The following ZNF568 variants were observed in gnomAD, a reference collection of about 807,000 sequenced individuals.
ZNF568 encodes the protein zinc finger protein 568.
ZNF568 carries 11 observed loss-of-function variants against 18.1 expected under a neutral mutation model. The observed-to-expected ratio is 0.61, with a 90% CI of 0.38 to 1.00. The LOEUF (loss-of-function observed/expected upper bound fraction) is 1.00, where lower values mean the gene tolerates loss of function less well. Among genes scored for constraint, ZNF568 ranks in the 50% least tolerant of loss-of-function variants. The pLI, the probability that ZNF568 is intolerant of heterozygous loss-of-function variation, is 0.01. For synonymous variants in ZNF568, 213 were observed against 246.6 expected, an observed-to-expected ratio of 0.86 and a Z score of 1.28; for missense variants, 639 against 768.2, an observed-to-expected ratio of 0.83 and a Z score of 1.99.
In ZNF568 at chr19:36,991,856, G is replaced by A. The variant is rs138628298; in HGVS notation, c.229+10G>A. ...AAAGAATGGTGTCCAGGTGAGTGAC[G>A]ATGAACTGGAATGGGGAGGCCATAG... On this transcript the variant is annotated intron_variant, in intron 4 of 4. Coordinates refer to the ZNF568 transcript ENST00000433993. 3.1e-3 allele frequency: 4,798 copies of A among 1,556,360 alleles called. 17 individuals carry two copies. The highest frequency in any genetic ancestry group is 3.8e-3 in the Non-Finnish European group (4,338 of 1,156,306).
intron 6 of ZNF568, among the ~76,000 whole-genome samples, chr19:36,960,835 A>G (rs2074143353): frequency 6.6e-6 from 1 of 152,096 alleles, no homozygotes; most frequent in Non-Finnish European, 1.5e-5. Flanking sequence ...ATAGTTTCCA[A>G]AGTTCCTCTT....
intron 7 of ZNF568, among the ~76,000 whole-genome samples, chr19:36,978,311 C>T (rs1293762526): frequency 1.3e-5 from 2 of 152,212 alleles, no homozygotes; most frequent in Non-Finnish European, 2.9e-5. Flanking sequence ...TATAACCTGT[C>T]ATTCAAAACA....
chr19:36,984,756 C>T (rs931107922), downstream of ZNF568, among the ~76,000 whole-genome samples: 5 of 151,842 alleles, frequency 3.3e-5, no homozygotes, highest in African/African-American at 7.3e-5. Flanking sequence ...TGGGATATTC[C>T]GCTGTCTTCT....
At chr19:36,922,914 A>C in intron 3 of ZNF568, 68 bp downstream of exon 3, 2 of 1,391,702 alleles carry the variant, frequency 1.4e-6, no homozygotes, top group Non-Finnish European at 1.0e-6. Flanking sequence ...AGTGAAAAGA[A>C]ATTCATTACT....
chr19:36,980,893 C>T (rs1434602810), downstream of ZNF568, among the ~76,000 whole-genome samples: 1 of 152,202 alleles, frequency 6.6e-6, no homozygotes, highest in East Asian at 1.9e-4. Flanking sequence ...AGACCGATTA[C>T]ATGGTAGAAG....
intron 6 of ZNF568, among the ~76,000 whole-genome samples, chr19:36,946,374 T>C (rs1175150486): frequency 2.0e-5 from 3 of 152,074 alleles, no homozygotes; most frequent in African/African-American, 2.4e-5. Flanking sequence ...TGTTGACATA[T>C]TGTTTACTAT....
chr19:36,939,532 CTTTTTTTTTTTTTTTTT>C lies in ZNF568; in HGVS notation c.358+2299_358+2315del, dbSNP rs386388962. The stretch of plus-strand genomic sequence containing the variant: ...GGTTCATTGAAGATGTATTTTCTTT[CTTTTTTTTTTTTTTTTT>C]TTTTTTTTGAGACGGAGTCTCACTC... On this transcript the variant is annotated intron_variant, in intron 6 of 6. Transcript: ENST00000333987. Among the ~76,000 whole-genome samples, 5 of 93,070 alleles carry C rather than the reference CTTTTTTTTTTTTTTTTT, an allele frequency of 5.4e-5. No individual in the cohort carries two copies. The Middle Eastern group carries it at 0.027, about 499-fold the overall frequency. The allele number at this position is 93,070 out of a possible 152,430, so 61.1% of individuals were successfully genotyped here.
chr19:36,995,179 A>G (rs1303418425), intron 4 of ZNF568, among the ~76,000 whole-genome samples: 5 of 151,866 alleles, frequency 3.3e-5, no homozygotes, highest in South Asian at 2.1e-4. Context: ...GGGCAGATCA[A>G]TTGAGGTCAG....
chr19:36,953,296 A>G (rs2074082518), downstream of ZNF568, among the ~76,000 whole-genome samples: 1 of 152,246 alleles, frequency 6.6e-6, no homozygotes, highest in Non-Finnish European at 1.5e-5. Flanking sequence ...AGGCATTAAT[A>G]TCATTGTTAA....
At chr19:36,942,680 G>A (rs938286407) in intron 6 of ZNF568, among the ~76,000 whole-genome samples, 3 of 150,330 alleles carry the variant, frequency 2.0e-5, no homozygotes, top group Non-Finnish European at 4.4e-5. Flanking sequence ...AACAGTTACC[G>A]ACATTTTCTT....
chr19:36,941,361 A>G (rs888498243), intron 6 of ZNF568, among the ~76,000 whole-genome samples: 1 of 152,222 alleles, frequency 6.6e-6, no homozygotes, highest in African/African-American at 2.4e-5. Flanking sequence ...TAAACATAGG[A>G]TAAGATGATA....
At chr19:36,975,591 G>A (rs1331878038) in intron 7 of ZNF568, among the ~76,000 whole-genome samples, 3 of 151,764 alleles carry the variant, frequency 2.0e-5, no homozygotes, top group Non-Finnish European at 2.9e-5. Context: ...TCACCATGTT[G>A]GCCAGGATAG....
At chr19:36,983,570 A>G (rs930118394), downstream of ZNF568, among the ~76,000 whole-genome samples, 3 of 152,140 alleles carry the variant, frequency 2.0e-5, no homozygotes, top group Non-Finnish European at 2.9e-5. Flanking sequence ...AATTGAGTGC[A>G]TTGTTCTATA....
At chr19:36,929,956 T>G (rs2073656035) in intron 4 of ZNF568, among the ~76,000 whole-genome samples, 1 of 151,566 alleles carries the variant, frequency 6.6e-6, no homozygotes, top group Non-Finnish European at 1.5e-5. Context: ...TTTTTTTTTT[T>G]TTTTGGTTCT....
chr19:36,936,150 G>C (rs1568385556), intron 4 of ZNF568, among the ~76,000 whole-genome samples: 3 of 151,968 alleles, frequency 2.0e-5, no homozygotes, highest in Non-Finnish European at 1.5e-5. Context: ...TGGATACTAT[G>C]TATCTTATCA....
intron 3 of ZNF568, 39 bp from the exon 4 acceptor site, chr19:36,925,161 A>C (rs1283850586): frequency 6.2e-7 from 1 of 1,601,936 alleles, no homozygotes; most frequent in Non-Finnish European, 8.6e-7. Flanking sequence ...CCTTTGTCTG[A>C]AACTTTGAAG....
chr19:36,981,733 G>A (rs1185535147), downstream of ZNF568, among the ~76,000 whole-genome samples: 1 of 151,958 alleles, frequency 6.6e-6, no homozygotes, highest in African/African-American at 2.4e-5. Context: ...AATTAGCCAG[G>A]CATGATGGTG....
intron 4 of ZNF568, among the ~76,000 whole-genome samples, chr19:36,933,001 C>G (rs1437068742): frequency 6.6e-6 from 1 of 152,032 alleles, no homozygotes; most frequent in Non-Finnish European, 1.5e-5. Flanking sequence ...TGATGATGTC[C>G]TTAGAAGCAC....
chr19:36,928,049 G>A (rs1473387659), intron 4 of ZNF568, among the ~76,000 whole-genome samples: 2 of 148,814 alleles, frequency 1.3e-5, no homozygotes, highest in African/African-American at 5.0e-5. Flanking sequence ...CAAGCAGCTG[G>A]GATTACAGGG....
Sources: allele counts gnomAD v4.1 joint callset (sites outside exome capture counted in the v4.1 genomes callset), GRCh38; gene constraint gnomAD v4.1.1; transcripts MANE v1.5; gene names NCBI Gene and HGNC (gene_info 2026-07-23, HGNC 2026-07-21).